The following CIRSR variants were observed in gnomAD, a reference collection of about 807,000 sequenced individuals.
CIRSR encodes the protein CBF1 (RBPJ) interacting corepressor 1.
chr2:174,369,245 C>T, the CIRSR span, among the ~76,000 whole-genome samples: 1 of 152,322 alleles, frequency 6.6e-6, no homozygotes, highest in Admixed American at 6.5e-5. Flanking sequence ...GGCTTCTTCC[C>T]TTAAACCTTA....
the CIRSR span, among the ~76,000 whole-genome samples, chr2:174,371,910 C>G: frequency 6.6e-6 from 1 of 152,150 alleles, no homozygotes; most frequent in Non-Finnish European, 1.5e-5. Context: ...AAAATAATCT[C>G]TATTCACTGG....
At chr2:174,367,823 G>T in the CIRSR span, among the ~76,000 whole-genome samples, 1 of 146,086 alleles carries the variant, frequency 6.8e-6, no homozygotes, top group Admixed American at 6.9e-5. Flanking sequence ...ATATGTTATT[G>T]CTGTCCACAA....
the CIRSR span, among the ~76,000 whole-genome samples, chr2:174,356,527 GAA>G: frequency 3.8e-4 from 53 of 140,102 alleles, no homozygotes; most frequent in East Asian, 3.5e-3. Context: ...AAGAAAGAAA[GAA>G]GAAAGGAAGG....
chr2:174,354,541 ATATAT>A, the CIRSR span, among the ~76,000 whole-genome samples: 2,673 of 56,324 alleles, frequency 0.047, 166 homozygotes, highest in African/African-American at 0.14. Context: ...ATTATATAAT[ATATAT>A]TATATTATAT....
At chr2:174,371,926 CATT>C in the CIRSR span, among the ~76,000 whole-genome samples, 65 of 152,174 alleles carry the variant, frequency 4.3e-4, 1 homozygote, top group Non-Finnish European at 8.8e-5. Flanking sequence ...ACTGGTGAGA[CATT>C]ATTCAATAGG....
chr2:174,384,268 CACAAAGGAACAAAT>C, the CIRSR span, among the ~76,000 whole-genome samples: 1 of 152,122 alleles, frequency 6.6e-6, no homozygotes, highest in Non-Finnish European at 1.5e-5. Context: ...ACAAGCCAGA[CACAAAGGAACAAAT>C]ATATGATTCA....
chr2:174,349,264 G>T, the CIRSR span: 1 of 820,182 alleles, frequency 1.2e-6, no homozygotes, highest in Non-Finnish European at 1.8e-6. Flanking sequence ...TTTCTTAGAA[G>T]TTATTAAAAA....
At chr2:174,363,222 TC>T in the CIRSR span, among the ~76,000 whole-genome samples, 1 of 152,168 alleles carries the variant, frequency 6.6e-6, no homozygotes, top group Non-Finnish European at 1.5e-5. Flanking sequence ...AGAGAATGCT[TC>T]CTTCTCCCCT....
the CIRSR span, chr2:174,380,729 T>C: frequency 1.3e-5 from 21 of 1,611,318 alleles, no homozygotes; most frequent in South Asian, 6.6e-5. Context: ...AAAACATTCA[T>C]TGAAAATTCT....
chr2:174,349,006 TCTCA>T, the CIRSR span: 2 of 1,597,516 alleles, frequency 1.3e-6, no homozygotes, highest in East Asian at 2.2e-5. Flanking sequence ...TTATTGTTAC[TCTCA>T]CTCTCACTAC....
the CIRSR span, among the ~76,000 whole-genome samples, chr2:174,386,960 C>A: frequency 6.6e-6 from 1 of 152,206 alleles, no homozygotes; most frequent in East Asian, 1.9e-4. Flanking sequence ...CCCTATAATA[C>A]CACTTATTGC....
the CIRSR span, among the ~76,000 whole-genome samples, chr2:174,384,141 T>C: frequency 6.6e-6 from 1 of 152,124 alleles, no homozygotes; most frequent in African/African-American, 2.4e-5. Flanking sequence ...CTCAAACAGA[T>C]GGATAAACAA....
At chr2:174,376,413 A>G in the CIRSR span, among the ~76,000 whole-genome samples, 1 of 152,224 alleles carries the variant, frequency 6.6e-6, no homozygotes, top group Non-Finnish European at 1.5e-5. Context: ...AAGGAATAGT[A>G]CCACAGTAAA....
At chr2:174,380,933 A>AT in the CIRSR span, 4 of 809,112 alleles carry the variant, frequency 4.9e-6, 1 homozygote, top group South Asian at 8.9e-5. Flanking sequence ...GTAAGAATTC[A>AT]TTGGTTTGAC....
At chr2:174,376,524 G>A in the CIRSR span, among the ~76,000 whole-genome samples, 22 of 144,966 alleles carry the variant, frequency 1.5e-4, no homozygotes, top group South Asian at 8.9e-4. Context: ...AGGGCCGGGC[G>A]CGGTGGCTCA....
the CIRSR span, among the ~76,000 whole-genome samples, chr2:174,364,833 T>G: frequency 1.3e-5 from 2 of 152,102 alleles, no homozygotes; most frequent in Non-Finnish European, 2.9e-5. Flanking sequence ...CAAAACCACT[T>G]TTTCCTCCTA....
At chr2:174,350,568 C>T in the CIRSR span, 7 of 718,482 alleles carry the variant, frequency 9.7e-6, no homozygotes, top group Non-Finnish European at 1.6e-5. Context: ...GGTATAAGGA[C>T]CTTCATGAGC....
chr2:174,354,430 TGA>T, the CIRSR span, among the ~76,000 whole-genome samples: 2 of 51,022 alleles, frequency 3.9e-5, no homozygotes, highest in South Asian at 7.8e-4. Context: ...ATATATTATA[TGA>T]TATATATAAT....
the CIRSR span, among the ~76,000 whole-genome samples, chr2:174,390,239 A>G: frequency 0.064 from 9,698 of 152,328 alleles, 955 homozygotes; most frequent in African/African-American, 0.22. Flanking sequence ...AGAGCTGCCC[A>G]AGGCTTTGGG....
Sources: gnomAD v4.1 joint callset for allele counts (sites outside exome capture counted in the v4.1 genomes callset) on GRCh38, gnomAD v4.1.1 for gene constraint, MANE v1.5 for transcripts, NCBI Gene and HGNC (gene_info 2026-07-23, HGNC 2026-07-21) for gene names.